Variants in KCNQ1OT1 observed in about 807,000 individuals in gnomAD.
KCNQ1OT1 encodes KCNQ1 antisense RNA 2 (non-protein coding).
chr11:2,667,244 G>A lies in KCNQ1OT1; in HGVS notation n.32751C>T, dbSNP rs1590019040. 1.8e-5 allele frequency: 7 copies of A among 398,674 alleles called. No individual in the cohort carries two copies. In the East Asian group the frequency reaches 2.5e-4, roughly 14 times the overall value. The allele number at this position is 398,674 out of a possible 1,614,324, so 24.7% of individuals were successfully genotyped here. On this transcript the variant is annotated non_coding_transcript_exon_variant, in exon 1 of 1. Coordinates refer to ENST00000597346, the Ensembl canonical transcript of KCNQ1OT1. ...TCCAAACTTCACTTCCTCCGTCTGA[G>A]CACGTGAGGAAGAAGCGGCTGGCCT...
exon 1 of KCNQ1OT1, chr11:2,680,518 A>G (rs931893896): frequency 4.3e-5 from 17 of 398,416 alleles, no homozygotes; most frequent in Non-Finnish European, 2.7e-5. Context: ...TTATTTTGAG[A>G]TAATTGTACA....
exon 1 of KCNQ1OT1, chr11:2,609,873 T>G: frequency 2.5e-6 from 1 of 398,168 alleles, no homozygotes; most frequent in Non-Finnish European, 4.4e-6. Context: ...ATATATCTTT[T>G]TCCATCCTTT....
At chr11:2,643,246 C>T in exon 1 of KCNQ1OT1, 1 of 398,222 alleles carries the variant, frequency 2.5e-6, no homozygotes. Flanking sequence ...CTGTCTAATA[C>T]TGGAAATGGA....
chr11:2,654,867 G>A lies in KCNQ1OT1; in HGVS notation n.45128C>T. 1 of 398,588 alleles carries A rather than the reference G, an allele frequency of 2.5e-6. No homozygotes were observed. Among genetic ancestry groups the A allele is most frequent in the Non-Finnish European group, 4.4e-6 (1 of 226,090 alleles). The allele number at this position is 398,588 out of a possible 1,614,324, so 24.7% of individuals were successfully genotyped here. On this transcript the variant is annotated non_coding_transcript_exon_variant, in exon 1 of 1. Coordinates refer to ENST00000597346, the Ensembl canonical transcript of KCNQ1OT1. This position sits in a 1 kb window ranked among gnomAD's most constrained non-coding sequence, Gnocchi z 6.4. ...TGGGCAGCTCCAGGCCAGGTGGAGG[G>A]ACATATTCTGGCAACTCTAGGATAA...
chr11:2,614,228 C>T (rs1293555264), exon 1 of KCNQ1OT1: 1 of 398,448 alleles, frequency 2.5e-6, no homozygotes, highest in East Asian at 3.6e-5. Flanking sequence ...CAAGAGCCTC[C>T]ACTATAGCTG....
At chr11:2,619,132 ATTAC>A (rs1849120075) in exon 1 of KCNQ1OT1, 2 of 398,356 alleles carry the variant, frequency 5.0e-6, no homozygotes, top group South Asian at 2.5e-4. Flanking sequence ...TAAAGATAAT[ATTAC>A]TTCTTACTTC....
At chr11:2,650,711 C>T (rs1849743770) in exon 1 of KCNQ1OT1, 1 of 398,624 alleles carries the variant, frequency 2.5e-6, no homozygotes, top group East Asian at 3.6e-5. Context: ...CAGTGCTGGG[C>T]AGGGGACTAG....
exon 1 of KCNQ1OT1, chr11:2,615,551 C>G (rs1188522212): frequency 5.0e-6 from 2 of 397,800 alleles, no homozygotes; most frequent in Non-Finnish European, 8.9e-6. Flanking sequence ...CACAAATCCT[C>G]TTTAACACAT....
exon 1 of KCNQ1OT1, chr11:2,634,044 T>G (rs1056921485): frequency 2.5e-6 from 1 of 398,606 alleles, no homozygotes; most frequent in Non-Finnish European, 4.4e-6. Flanking sequence ...TTCTGCCTGC[T>G]CAGTATTGTT....
chr11:2,692,385 C>T (rs1850602808), exon 1 of KCNQ1OT1: 1 of 398,746 alleles, frequency 2.5e-6, no homozygotes, highest in African/African-American at 2.1e-5. Context: ...CATCCCCTGC[C>T]CCATTCCAAT....
exon 1 of KCNQ1OT1, chr11:2,638,013 T>A (rs1408450641): frequency 6.6e-6 from 1 of 152,240 alleles, no homozygotes; most frequent in African/African-American, 2.4e-5. Context: ...CTGCCTTTTT[T>A]TATTTTCCAT....
exon 1 of KCNQ1OT1, chr11:2,662,802 T>C (rs776290074): frequency 1.5e-5 from 6 of 398,912 alleles, no homozygotes; most frequent in African/African-American, 4.1e-5. Flanking sequence ...TGTCAAGATC[T>C]GTGAGTGACA....
chr11:2,609,669 C>T, exon 1 of KCNQ1OT1: 1 of 398,360 alleles, frequency 2.5e-6, no homozygotes, highest in Non-Finnish European at 4.4e-6. Context: ...CTGTTCAGTT[C>T]TGTCAGTTTT....
chr11:2,693,361 C>G (rs149414092), exon 1 of KCNQ1OT1: 3 of 398,608 alleles, frequency 7.5e-6, no homozygotes, highest in East Asian at 7.1e-5. Flanking sequence ...GGGTGGGGGC[C>G]GAGTCTGGCC....
exon 1 of KCNQ1OT1, chr11:2,634,791 C>T (rs1383699993): frequency 2.6e-5 from 4 of 152,214 alleles, no homozygotes; most frequent in Non-Finnish European, 5.9e-5. Flanking sequence ...TTTACAGTCC[C>T]ACCAACAGTG....
exon 1 of KCNQ1OT1, chr11:2,632,938 A>G (rs1428834352): frequency 1.0e-5 from 4 of 398,368 alleles, no homozygotes; most frequent in Middle Eastern, 6.2e-4. Context: ...AATACCCGGT[A>G]GTGGATTGTC....
rs1274171562 is a variant in KCNQ1OT1, at chr11:2,671,658, G to A, written n.28337C>T. 5 of 388,124 alleles carry A rather than the reference G, an allele frequency of 1.3e-5. No homozygotes were observed. Among genetic ancestry groups the A allele is most frequent in the Non-Finnish European group, 2.3e-5 (5 of 222,002 alleles). The allele number at this position is 388,124 out of a possible 1,614,324, so 24.0% of individuals were successfully genotyped here. A position where few individuals can be genotyped will look rare whatever the true frequency, so the allele number is the denominator to read the frequency against. On this transcript the variant is annotated non_coding_transcript_exon_variant, in exon 1 of 1. Transcript: ENST00000597346. This position sits in a 1 kb window ranked among gnomAD's most constrained non-coding sequence, Gnocchi z 4.7. ...CCTGTGGTGCCCTGCTGGGGAAACT[G>A]AGGCAGAGAGCAGGGGTGACTTTGC...
At chr11:2,684,550 C>T (rs560238703) in exon 1 of KCNQ1OT1, 2 of 398,666 alleles carry the variant, frequency 5.0e-6, no homozygotes, top group Non-Finnish European at 8.8e-6. Flanking sequence ...TTGATGCTTT[C>T]TCCATGTCCC....
rs553290452 is a variant in KCNQ1OT1, at chr11:2,611,702, T to C, written n.88293A>G. ...CTTTATTGAGTTTTTAATTCACTTA[T>C]ATGTAATATAATTATTGATATGGAA... On this transcript the variant is annotated non_coding_transcript_exon_variant, in exon 1 of 1. Transcript: ENST00000597346. This position sits in a 1 kb window ranked among gnomAD's most constrained non-coding sequence, Gnocchi z 5.3. The C allele has an allele frequency of 4.0e-5, 16 of 398,610 alleles. No homozygotes were observed. Among genetic ancestry groups the C allele is most frequent in the Non-Finnish European group, 6.2e-5 (14 of 226,054 alleles). 24.7% of individuals were successfully genotyped at this position (398,610 alleles called of 1,614,324 possible). A position where few individuals can be genotyped will look rare whatever the true frequency, so the allele number is the denominator to read the frequency against.
Sources: gnomAD v4.1 joint callset for allele counts on GRCh38, gnomAD v4.1.1 for gene constraint, Gnocchi (gnomAD v3.1) non-coding constraint, MANE v1.5 for transcripts, NCBI Gene and HGNC (gene_info 2026-07-23, HGNC 2026-07-21) for gene names.